Variants in GDPD5 observed in about 807,000 individuals in gnomAD.
GDPD5 encodes the protein glycerophosphodiester phosphodiesterase 2.
Under a neutral mutation model 75.1 loss-of-function variants are expected in GDPD5, and 48 were observed. That is an observed-to-expected ratio of 0.64 (90% CI 0.51 to 0.81). GDPD5 has a LOEUF of 0.81. GDPD5 is among the 40% of genes least tolerant of loss of function. The probability of loss-of-function intolerance (pLI) is 0.00; values close to 1 mark genes in which losing one functional copy is unlikely to be tolerated. For synonymous variants in GDPD5, 336 were observed against 339.0 expected (o/e 0.99, Z 0.10); for missense variants, 706 against 822.6 (o/e 0.86, Z 1.73).
rs1464284540 is a variant in GDPD5, at chr11:75,456,792, C to T, written c.340G>A (p.Val114Met). 8.7e-6 allele frequency: 14 copies of T among 1,614,118 alleles called. No individual in the cohort carries two copies. The highest frequency in any genetic ancestry group is 1.3e-5 in the African/African-American group (1 of 74,956). Residue 114 changes from valine (V) to methionine (M), a missense_variant, in exon 6 of 17, where the codon GTG becomes ATG. By Grantham distance (21) the Val-to-Met change is conservative. Transcript: ENST00000336898. ...LLVLALCHIA[V>M]GQQMNLHWLH... ...CAGTGCAGGTTCATCTGCTGCCCCA[C>T]GGCAATGTGACATAGTGCCAGGACC...
chr11:75,444,611 C>G (rs1948941313), intron 9 of GDPD5, 116 bp from the exon 10 acceptor site: 2 of 756,364 alleles, frequency 2.6e-6, no homozygotes, highest in East Asian at 5.2e-5. Context: ...AATTCTGGCC[C>G]CTCCACAGAG....
chr11:75,511,718 C>G (rs538679378), intron 1 of GDPD5, among the ~76,000 whole-genome samples: 1 of 152,268 alleles, frequency 6.6e-6, no homozygotes, highest in African/African-American at 2.4e-5. Flanking sequence ...CAACCTCAGC[C>G]ACCACCACCA....
At chr11:75,483,393 G>T (rs944359884) in intron 2 of GDPD5, among the ~76,000 whole-genome samples, 1 of 152,176 alleles carries the variant, frequency 6.6e-6, no homozygotes, top group African/African-American at 2.4e-5. Context: ...GCTGGGATGG[G>T]CGTGCACCTC....
intron 9 of GDPD5, among the ~76,000 whole-genome samples, chr11:75,445,242 T>G (rs1219782665): frequency 6.6e-6 from 1 of 152,140 alleles, no homozygotes; most frequent in African/African-American, 2.4e-5. Flanking sequence ...CTCAAACTCC[T>G]GGGCTCAAGC....
At chr11:75,460,935 G>A (rs1384099412) in intron 4 of GDPD5, among the ~76,000 whole-genome samples, 1 of 151,960 alleles carries the variant, frequency 6.6e-6, no homozygotes, top group East Asian at 1.9e-4. Context: ...CCCAGTGACA[G>A]GGAGCTCACT....
At chr11:75,509,927 G>C (rs573608551) in intron 1 of GDPD5, among the ~76,000 whole-genome samples, 1 of 152,176 alleles carries the variant, frequency 6.6e-6, no homozygotes, top group African/African-American at 2.4e-5. Context: ...TGATCTGCCC[G>C]CCTCGGCCTC....
chr11:75,472,812 G>T (rs1222864893), intron 3 of GDPD5, among the ~76,000 whole-genome samples: 2 of 152,124 alleles, frequency 1.3e-5, no homozygotes, highest in African/African-American at 4.8e-5. Flanking sequence ...CTATCCTAAA[G>T]AGTCCAGTGG....
At chr11:75,439,309 A>G (rs769998180) in intron 15 of GDPD5, 4 of 456,018 alleles carry the variant, frequency 8.8e-6, no homozygotes, top group African/African-American at 2.0e-5. Flanking sequence ...AAAGAGGAAC[A>G]GAAGGAGGAG....
chr11:75,474,603 A>G (rs1557474), intron 3 of GDPD5, among the ~76,000 whole-genome samples: 89,036 of 151,608 alleles, frequency 0.59, 27,097 homozygotes, highest in East Asian at 0.79. Context: ...TTAAGCGTGT[A>G]TCCTGGGGGA....
At chr11:75,450,129 T>C (rs1949100181) in intron 6 of GDPD5, 146 bp from the exon 7 acceptor site, 2 of 648,122 alleles carry the variant, frequency 3.1e-6, no homozygotes, top group Non-Finnish European at 5.3e-6. Context: ...GAGACAGGCA[T>C]GGGCTGCCAG....
rs79077578 is a variant in GDPD5 at position 75,439,332 on chromosome 11, A to G, written c.1556+547T>C. ...ACAGAAGGAGGAGGAAGACCACACC[A>G]GAATTACCTGATCAAGTGATAGCTG... On this transcript the variant is annotated intron_variant, in intron 15 of 16. Coordinates refer to ENST00000336898, the MANE Select transcript of GDPD5 (RefSeq NM_030792.8). 396 of 456,448 alleles carry G rather than the reference A, an allele frequency of 8.7e-4. 8 individuals carry two copies. The East Asian group carries it at 0.018, about 21-fold the overall frequency. The allele number at this position is 456,448 out of a possible 1,614,324, so 28.3% of individuals were successfully genotyped here.
intron 1 of GDPD5, chr11:75,515,944 G>T (rs1950629854): frequency 6.6e-6 from 1 of 152,246 alleles, no homozygotes; most frequent in Admixed American, 6.5e-5. Flanking sequence ...TCATTAAGGG[G>T]TATGGTAAAA....
rs756625093 is a variant in GDPD5, at chr11:75,453,435, G to A, written c.375+3322C>T. Among the ~76,000 whole-genome samples the A allele has an allele frequency of 7.9e-5, 12 of 152,034 alleles. 1 individual carries two copies. Among genetic ancestry groups the A allele is most frequent in the South Asian group, 4.2e-4 (2 of 4,812 alleles). ...AGATCAAGACCACCCTAGCTAACAC[G>A]GTGAAACCTCGTCTCTACTAAAAAT... is the stretch of plus-strand genomic sequence containing the variant. On this transcript the variant is annotated intron_variant, in intron 6 of 16. Coordinates refer to ENST00000336898, the MANE Select transcript of GDPD5 (RefSeq NM_030792.8).
Position 75,456,761 on chromosome 11 carries a change from T to C in GDPD5, c.371A>G (p.His124Arg). ...CCCGGCCGAGGCGGCCCTTACCTTGTGCAGCCAGTGCAGGTTCATCTGCTG... is the reference window on the plus strand; with the variant it reads ...CCCGGCCGAGGCGGCCCTTACCTTGCGCAGCCAGTGCAGGTTCATCTGCTG... ...VGQQMNLHWL[H>R]KIGLVVILAS... is the part of the protein sequence containing the mutation. The change falls in exon 6 of 17, where the codon CAC becomes CGC. Residue 124 changes from histidine (H) to arginine (R), a missense_variant. His to Arg is a conservative substitution (Grantham distance 29). Coordinates refer to ENST00000336898, the MANE Select transcript of GDPD5 (RefSeq NM_030792.8). 2 of 1,614,184 alleles carry C rather than the reference T, an allele frequency of 1.2e-6. No individual in the cohort carries two copies. Among genetic ancestry groups the C allele is most frequent in the Non-Finnish European group, 1.7e-6 (2 of 1,180,022 alleles).
intron 1 of GDPD5, among the ~76,000 whole-genome samples, chr11:75,504,822 C>T (rs536179926): frequency 6.6e-6 from 1 of 152,216 alleles, no homozygotes; most frequent in East Asian, 1.9e-4. Context: ...TTAAATAATA[C>T]AATTTTTAAA....
chr11:75,466,988 G>T (rs1949531252), intron 3 of GDPD5, among the ~76,000 whole-genome samples: 2 of 152,104 alleles, frequency 1.3e-5, no homozygotes, highest in South Asian at 4.2e-4. Context: ...CCCAGGCCCA[G>T]CCTAGTTCCC....
chr11:75,455,178 C>T (rs947598043), intron 6 of GDPD5: 14 of 401,480 alleles, frequency 3.5e-5, no homozygotes, highest in African/African-American at 2.5e-4. Flanking sequence ...GGCCTCTCCA[C>T]TAGAATCAAG....
intron 2 of GDPD5, among the ~76,000 whole-genome samples, chr11:75,481,403 T>C (rs1949915716): frequency 6.6e-6 from 1 of 152,186 alleles, no homozygotes; most frequent in Non-Finnish European, 1.5e-5. Context: ...GAATACTGAA[T>C]GACCCAGAGT....
rs1253161665 is a variant in GDPD5 at position 75,478,587 on chromosome 11, G to A, written c.-60-792C>T. ...TAAATATAACTTGCTTATTTTTCCT[G>A]TCTGTCTACCCTACTATAATGCAGT... On this transcript the variant is annotated intron_variant, in intron 2 of 16. Coordinates refer to ENST00000336898, the MANE Select transcript of GDPD5 (RefSeq NM_030792.8). 2.0e-5 allele frequency among the ~76,000 whole-genome samples: 3 copies of A among 152,108 alleles called. No individual in the cohort carries two copies. The East Asian group carries it at 5.8e-4, about 29-fold the overall frequency.
Sources: gnomAD v4.1 joint callset for allele counts (sites outside exome capture counted in the v4.1 genomes callset) on GRCh38, gnomAD v4.1.1 for gene constraint, MANE v1.5 for transcripts, NCBI Gene and HGNC (gene_info 2026-07-23, HGNC 2026-07-21) for gene names.